SAP130: variants seen among roughly 807,000 people sequenced by gnomAD.
SAP130 encodes histone deacetylase complex subunit SAP130.
In SAP130, 16 loss-of-function variants were observed where a neutral mutation model predicts 103.2. The ratio of observed to expected loss-of-function variants is 0.16; its 90% CI spans 0.10 to 0.24. SAP130 has a LOEUF of 0.24. Ranked by LOEUF, SAP130 falls within the 10% of genes least tolerant of loss-of-function variation. SAP130 has a pLI of 1.00. For missense variants in SAP130, 990 were observed against 1,359.7 expected, an observed-to-expected ratio of 0.73 and a Z score of 4.28; for synonymous variants, 477 against 497.0, an observed-to-expected ratio of 0.96 and a Z score of 0.53.
chr2:127,997,255 T>C (rs550795839), intron 10 of SAP130, among the ~76,000 whole-genome samples: 97 of 152,350 alleles, frequency 6.4e-4, no homozygotes, highest in Non-Finnish European at 1.2e-3. Context: ...ATAGCTGAAC[T>C]AGAATACACT....
intron 15 of SAP130, among the ~76,000 whole-genome samples, chr2:127,972,582 A>G (rs1681168371): frequency 2.0e-5 from 3 of 152,058 alleles, no homozygotes; most frequent in Admixed American, 6.6e-5. Flanking sequence ...ACATGGTGAA[A>G]CTCCGTCTCT....
intron 3 of SAP130, 23 bp downstream of exon 3, chr2:128,017,657 G>A: frequency 6.3e-7 from 1 of 1,593,360 alleles, no homozygotes. Flanking sequence ...GGTTCAGTGT[G>A]AAGTTTTAAC....
At chr2:127,945,699 C>T (rs1679030675) in intron 18 of SAP130, 140 bp from the exon 19 acceptor site, 1 of 613,736 alleles carries the variant, frequency 1.6e-6, no homozygotes, top group Non-Finnish European at 2.9e-6. Flanking sequence ...GTCACCCAGG[C>T]TGAAGTGCAG....
Position 127,946,607 on chromosome 2 carries a change from C to T in SAP130, c.2798-1048G>A, listed in dbSNP as rs192510026. ...TATATTAGAATGTAATGTAGTCTGA[C>T]CGCAGTGGCTCACACCTGTAATCCC... On this transcript the variant is annotated intron_variant, in intron 18 of 20. Transcript: ENST00000643581. 5.3e-5 allele frequency among the ~76,000 whole-genome samples: 8 copies of T among 151,642 alleles called. No homozygotes were observed. The East Asian group carries it at 1.6e-3, about 29-fold the overall frequency.
At chr2:128,001,577 T>A (rs937848300) in intron 7 of SAP130, among the ~76,000 whole-genome samples, 10 of 152,258 alleles carry the variant, frequency 6.6e-5, no homozygotes, top group African/African-American at 2.4e-4. Flanking sequence ...TTTTACACTG[T>A]ATTTTTACTG....
intron 2 of SAP130, 125 bp downstream of exon 2, chr2:128,026,056 C>T: frequency 1.5e-6 from 1 of 687,850 alleles, no homozygotes; most frequent in South Asian, 1.9e-5. Flanking sequence ...AGTAATATAC[C>T]CTTTCTTCAA....
intron 1 of SAP130, among the ~76,000 whole-genome samples, chr2:128,026,770 C>A (rs1457039917): frequency 6.6e-6 from 1 of 152,388 alleles, no homozygotes; most frequent in East Asian, 1.9e-4. Context: ...CATCCAGACC[C>A]GATGCAAAAG....
At chr2:127,964,152 C>T (rs1559046952) in intron 15 of SAP130, among the ~76,000 whole-genome samples, 1 of 152,142 alleles carries the variant, frequency 6.6e-6, no homozygotes, top group African/African-American at 2.4e-5. Flanking sequence ...CTGTTTCACA[C>T]CCATTGCACT....
At chr2:128,010,493 G>T in intron 6 of SAP130, 100 bp from the exon 7 acceptor site, 1 of 1,124,292 alleles carries the variant, frequency 8.9e-7, no homozygotes, top group Non-Finnish European at 1.2e-6. Context: ...AGATAAGCAT[G>T]TTTCTGCCCA....
At chr2:127,973,420 G>A (rs2104890517) in intron 15 of SAP130, among the ~76,000 whole-genome samples, 1 of 152,204 alleles carries the variant, frequency 6.6e-6, no homozygotes, top group Non-Finnish European at 1.5e-5. Context: ...TTAGTAGAGA[G>A]GGGGTTTCTC....
chr2:127,988,489 T>G (rs1374815627), intron 13 of SAP130, among the ~76,000 whole-genome samples: 3 of 151,782 alleles, frequency 2.0e-5, no homozygotes, highest in African/African-American at 7.3e-5. Context: ...TTTGTTTTTT[T>G]AAACTACATT....
At chr2:127,972,564 C>T (rs1464343903) in intron 15 of SAP130, among the ~76,000 whole-genome samples, 1 of 152,134 alleles carries the variant, frequency 6.6e-6, no homozygotes, top group Non-Finnish European at 1.5e-5. Context: ...TCGAGACCAG[C>T]CTGGCCAACA....
intron 6 of SAP130, among the ~76,000 whole-genome samples, chr2:128,011,070 A>G (rs1684358806): frequency 6.6e-6 from 1 of 151,956 alleles, no homozygotes; most frequent in Non-Finnish European, 1.5e-5. Flanking sequence ...CCTTCAATCT[A>G]GAGTTGCCAC....
chr2:127,984,451 T>C lies in SAP130; in HGVS notation c.1958+2334A>G, dbSNP rs1682229033. ...CCTATCTTTGGTTGTATGTTCATGA[T>C]TAAGAGTCGGGGAGAGGGACTGAAA... On this transcript the variant is annotated intron_variant, in intron 14 of 20. Coordinates refer to ENST00000643581, the MANE Select transcript of SAP130 (RefSeq NM_001330301.2). 4.6e-5 allele frequency among the ~76,000 whole-genome samples: 7 copies of C among 152,190 alleles called. No homozygotes were observed. The South Asian group carries it at 1.4e-3, about 32-fold the overall frequency.
intron 11 of SAP130, among the ~76,000 whole-genome samples, chr2:127,994,594 C>CA (rs1683044894): frequency 6.6e-6 from 1 of 151,332 alleles, no homozygotes; most frequent in South Asian, 2.1e-4. Flanking sequence ...CTCATCTCTA[C>CA]AAAAAATAAA....
At chr2:127,957,300 TCTGGAA>T (rs1679908888) in intron 15 of SAP130, among the ~76,000 whole-genome samples, 1 of 151,980 alleles carries the variant, frequency 6.6e-6, no homozygotes, top group Non-Finnish European at 1.5e-5. Context: ...GACTAGAAGT[TCTGGAA>T]TACAAAAGTG....
rs186567356 is a variant in SAP130 at position 127,994,040 on chromosome 2, T to C, written c.1356-732A>G. Among the ~76,000 whole-genome samples, 770 of 152,238 alleles carry C rather than the reference T, an allele frequency of 5.1e-3. 6 individuals carry two copies. Among genetic ancestry groups the C allele is most frequent in the African/African-American group, 0.016 (660 of 41,558 alleles). On this transcript the variant is annotated intron_variant, in intron 11 of 20. Transcript: ENST00000643581. ...CAACAACAAAAAAACCTACATAAAA[T>C]TGAATTAAGTACCATATAAAGTTAA...
At chr2:127,963,476 C>A (rs1328290665) in intron 15 of SAP130, among the ~76,000 whole-genome samples, 1 of 152,170 alleles carries the variant, frequency 6.6e-6, no homozygotes, top group African/African-American at 2.4e-5. Flanking sequence ...AGCAATCTGC[C>A]CACCTTGGCC....
At chr2:128,027,648 C>T (rs1404524440) in intron 1 of SAP130, among the ~76,000 whole-genome samples, 3 of 144,236 alleles carry the variant, frequency 2.1e-5, no homozygotes, top group Admixed American at 2.1e-4. Flanking sequence ...CCCGCCCGCG[C>T]TCCCCCGGCC....
Sources: gnomAD v4.1 joint callset for allele counts (sites outside exome capture counted in the v4.1 genomes callset) on GRCh38, gnomAD v4.1.1 for gene constraint, MANE v1.5 for transcripts, NCBI Gene and HGNC (gene_info 2026-07-23, HGNC 2026-07-21) for gene names.